Variants in COL4A5 observed in about 807,000 individuals in gnomAD.
COL4A5 encodes collagen type IV alpha 5 chain.
Under a neutral mutation model 130.2 loss-of-function variants are expected in COL4A5, and 26 were observed. That is an observed-to-expected ratio of 0.20 (90% CI 0.15 to 0.28). The LOEUF is 0.28. Among genes scored for constraint, COL4A5 ranks in the 10% least tolerant of loss-of-function variants. The pLI, the probability that COL4A5 is intolerant of heterozygous loss-of-function variation, is 1.00. For synonymous variants in COL4A5, 496 were observed against 439.6 expected, an observed-to-expected ratio of 1.13 and a Z score of -1.60; for missense variants, 1,131 against 1,344.3, an observed-to-expected ratio of 0.84 and a Z score of 2.48.
intron 1 of COL4A5, among the ~76,000 whole-genome samples, chrX:108,538,067 T>G (rs754909049): frequency 8.9e-6 from 1 of 112,152 alleles, no homozygotes; most frequent in African/African-American, 3.2e-5. Flanking sequence ...AGCAATGATG[T>G]ACTTTGTACT....
At chrX:108,510,887 G>T (rs2065173843) in intron 1 of COL4A5, among the ~76,000 whole-genome samples, 1 of 110,973 alleles carries the variant, frequency 9.0e-6, no homozygotes, top group Non-Finnish European at 1.9e-5. Flanking sequence ...TATTCATGGG[G>T]TGCATAGTGA....
intron 1 of COL4A5, among the ~76,000 whole-genome samples, chrX:108,444,448 T>C (rs938493752): frequency 2.7e-5 from 3 of 111,566 alleles, no homozygotes; most frequent in Non-Finnish European, 5.7e-5. Flanking sequence ...CTCGAACTCC[T>C]GACCTCGTGA....
At chrX:108,468,959 C>T (rs1323263897) in intron 1 of COL4A5, among the ~76,000 whole-genome samples, 1 of 110,763 alleles carries the variant, frequency 9.0e-6, no homozygotes, top group Non-Finnish European at 1.9e-5. Context: ...GTAGAATTCA[C>T]TAGTGAAGCT....
At chrX:108,508,067 G>A (rs994676156) in intron 1 of COL4A5, among the ~76,000 whole-genome samples, 1 of 111,193 alleles carries the variant, frequency 9.0e-6, no homozygotes, top group African/African-American at 3.3e-5. Flanking sequence ...GAAATAAAGG[G>A]CATCCAAACA....
At chrX:108,547,577 G>A (rs1296019656) in intron 2 of COL4A5, among the ~76,000 whole-genome samples, 1 of 112,199 alleles carries the variant, frequency 8.9e-6, no homozygotes, top group African/African-American at 3.2e-5. Flanking sequence ...TGAGGAGGCA[G>A]TCTGTCCGTT....
rs182280029 is a variant in COL4A5, at chrX:108,507,464, C to T, written c.82-32282C>T. 1.1e-4 allele frequency among the ~76,000 whole-genome samples: 12 copies of T among 111,526 alleles called. 1 individual carries two copies. Among genetic ancestry groups the T allele is most frequent in the Admixed American group, 1.0e-3 (11 of 10,556 alleles). ...TTCATCATGTAAACACAACTAAAGA[C>T]AAGTCCACATGATGATCTCAATAGA... On this transcript the variant is annotated intron_variant, in intron 1 of 52. Transcript: ENST00000328300.
intron 34 of COL4A5, among the ~76,000 whole-genome samples, chrX:108,624,618 T>A (rs1195701779): frequency 8.9e-6 from 1 of 112,312 alleles, no homozygotes; most frequent in Admixed American, 9.5e-5. Flanking sequence ...AGGTGTTGTG[T>A]TTTGTTACAT....
intron 29 of COL4A5, 56 bp downstream of exon 29, chrX:108,606,948 C>T (rs1289759122): frequency 2.2e-5 from 25 of 1,158,956 alleles, no homozygotes; most frequent in Middle Eastern, 5.0e-4. Flanking sequence ...GAAATTGACA[C>T]CTTTGGGAAA....
At chrX:108,650,286 T>C (rs751014637) in intron 36 of COL4A5, among the ~76,000 whole-genome samples, 8 of 111,028 alleles carry the variant, frequency 7.2e-5, no homozygotes, top group African/African-American at 2.6e-4. Context: ...GATCTTGGTG[T>C]GGATGCGGTG....
At position 108,620,241 on chromosome X, in the gene COL4A5, T is replaced by G; in HGVS notation, c.2510-18T>G. ...AAACTGCTTCAGTACTTATTAATATTGATATTGTATTAACTAGGTTTACAT... is the reference window on the plus strand; with the variant it reads ...AAACTGCTTCAGTACTTATTAATATGGATATTGTATTAACTAGGTTTACAT... On this transcript the variant is annotated intron_variant, in intron 30 of 52. Coordinates refer to ENST00000328300, the MANE Select transcript of COL4A5 (RefSeq NM_033380.3). 8.5e-7 allele frequency: 1 copy of G among 1,174,779 alleles called. No individual in the cohort carries two copies. The highest frequency in any genetic ancestry group is 1.2e-6 in the Non-Finnish European group (1 of 862,858).
intron 2 of COL4A5, among the ~76,000 whole-genome samples, chrX:108,544,015 C>T (rs1027781873): frequency 2.1e-4 from 23 of 111,935 alleles, no homozygotes; most frequent in African/African-American, 5.5e-4. Context: ...TAGGCTGAGA[C>T]GATGGGGTTT....
At chrX:108,531,218 G>T (rs1464522477) in intron 1 of COL4A5, among the ~76,000 whole-genome samples, 1 of 60,716 alleles carries the variant, frequency 1.6e-5, no homozygotes, top group Non-Finnish European at 2.9e-5. Context: ...GTGGGGTGGG[G>T]GGAGGGGGGA....
At chrX:108,539,498 A>C (rs760290879) in intron 1 of COL4A5, among the ~76,000 whole-genome samples, 4 of 112,028 alleles carry the variant, frequency 3.6e-5, no homozygotes, top group Non-Finnish European at 7.5e-5. Flanking sequence ...TTGTAAAATG[A>C]TATTTTTCAC....
At chrX:108,578,680 ATT>A (rs746538984) in intron 13 of COL4A5, among the ~76,000 whole-genome samples, 5 of 98,604 alleles carry the variant, frequency 5.1e-5, no homozygotes, top group Admixed American at 1.1e-4. Context: ...GAGATTATTA[ATT>A]TTTTTTTTTT....
intron 49 of COL4A5, chrX:108,689,847 ATAAC>A (rs767491245): frequency 1.7e-5 from 13 of 752,673 alleles, no homozygotes; most frequent in Non-Finnish European, 2.0e-5. Flanking sequence ...TTAAAGTCTT[ATAAC>A]TATGGGGTAT....
chrX:108,673,906 G>A (rs1354474144), intron 42 of COL4A5, among the ~76,000 whole-genome samples: 1 of 108,482 alleles, frequency 9.2e-6, no homozygotes, highest in Non-Finnish European at 1.9e-5. Flanking sequence ...GCCAGGCGTG[G>A]TGGTGGGTGC....
chrX:108,639,445 C>T (rs1468627612), intron 36 of COL4A5, among the ~76,000 whole-genome samples: 1 of 111,068 alleles, frequency 9.0e-6, no homozygotes, highest in East Asian at 2.8e-4. Flanking sequence ...AAACATGGGA[C>T]AACATGCCTC....
chrX:108,521,616 A>C (rs1176343002), intron 1 of COL4A5, among the ~76,000 whole-genome samples: 2 of 111,042 alleles, frequency 1.8e-5, no homozygotes, highest in Non-Finnish European at 3.8e-5. Flanking sequence ...GCGGAAACCC[A>C]GGGTATTACT....
At chrX:108,552,095 A>G (rs772543326) in intron 2 of COL4A5, among the ~76,000 whole-genome samples, 1 of 111,424 alleles carries the variant, frequency 9.0e-6, no homozygotes, top group African/African-American at 3.3e-5. Context: ...AAAACTGCCT[A>G]TCAGTACGAC....
Sources: allele counts gnomAD v4.1 joint callset (sites outside exome capture counted in the v4.1 genomes callset), GRCh38; gene constraint gnomAD v4.1.1; transcripts MANE v1.5; gene names NCBI Gene and HGNC (gene_info 2026-07-23, HGNC 2026-07-21).